SEMA5A: variants seen among roughly 807,000 people sequenced by gnomAD.
The protein encoded by SEMA5A is semaphorin-5A.
Under a neutral mutation model 135.5 loss-of-function variants are expected in SEMA5A, and 55 were observed. The ratio of observed to expected loss-of-function variants is 0.41; its 90% CI spans 0.33 to 0.51. The LOEUF is 0.51. SEMA5A is among the 20% of genes least tolerant of loss of function. The pLI is 0.37. For missense variants in SEMA5A, 1,290 were observed against 1,419.9 expected, an observed-to-expected ratio of 0.91 and a Z score of 1.47; for synonymous variants, 580 against 546.5, an observed-to-expected ratio of 1.06 and a Z score of -0.85.
Position 9,190,266 on chromosome 5 carries a change from C to T in SEMA5A, c.1273+1G>A. On this transcript the variant is annotated splice_donor_variant, in intron 11 of 22. Coordinates refer to ENST00000382496, the MANE Select transcript of SEMA5A (RefSeq NM_003966.3). LOFTEE classifies it high-confidence loss of function. The stretch of plus-strand genomic sequence containing the variant: ...CCCTCAGAGGGGGCCAGAGCTCCTA[C>T]CTGTGGCCAAATAGATGATGTGGAC... 2 of 1,613,874 alleles carry T rather than the reference C, an allele frequency of 1.2e-6. No homozygotes were observed. Among genetic ancestry groups the T allele is most frequent in the Non-Finnish European group, 1.7e-6 (2 of 1,179,908 alleles).
intron 16 of SEMA5A, among the ~76,000 whole-genome samples, chr5:9,083,104 G>A (rs1469572709): frequency 6.6e-6 from 1 of 152,186 alleles, no homozygotes; most frequent in African/African-American, 2.4e-5. Flanking sequence ...CTCACATCAT[G>A]AATGATGTAT....
chr5:9,426,290 T>A (rs1757645733), intron 2 of SEMA5A, among the ~76,000 whole-genome samples: 2 of 151,828 alleles, frequency 1.3e-5, no homozygotes, highest in Admixed American at 6.6e-5. Context: ...CCTGGCGCGG[T>A]GGCAGGCGCC....
At chr5:9,454,164 A>G (rs1758747362) in intron 1 of SEMA5A, among the ~76,000 whole-genome samples, 3 of 152,220 alleles carry the variant, frequency 2.0e-5, no homozygotes, top group Non-Finnish European at 4.4e-5. Context: ...ATTGACAGGC[A>G]TCAGGGACGA....
intron 2 of SEMA5A, among the ~76,000 whole-genome samples, chr5:9,384,661 TATAGATAGATAGATATAGATAG>T (rs1220857878): frequency 7.5e-5 from 5 of 66,484 alleles, no homozygotes; most frequent in African/African-American, 1.7e-4. Context: ...GATAGATAGA[TATAGATAGATAGATATAGATAG>T]ATAGATAGAT....
intron 18 of SEMA5A, among the ~76,000 whole-genome samples, chr5:9,058,904 C>T (rs1177775933): frequency 6.6e-6 from 1 of 152,170 alleles, no homozygotes; most frequent in African/African-American, 2.4e-5. Context: ...CCCTGCCTGG[C>T]TCCACTTCAA....
rs185363028 is a variant in SEMA5A, at chr5:9,415,978, G to T, written c.-78+21778C>A. Among the ~76,000 whole-genome samples the T allele has an allele frequency of 5.9e-5, 9 of 152,290 alleles. No homozygotes were observed. The East Asian group carries it at 1.7e-3, about 29-fold the overall frequency. ...AAAATAAATTGTCCTTTCAAAGGCAGCTTTAAAGTCGCACTCACTCAGCTC... is the reference window on the plus strand; with the variant it reads ...AAAATAAATTGTCCTTTCAAAGGCATCTTTAAAGTCGCACTCACTCAGCTC... On this transcript the variant is annotated intron_variant, in intron 2 of 22. Coordinates refer to ENST00000382496, the MANE Select transcript of SEMA5A (RefSeq NM_003966.3).
chr5:9,463,882 C>T (rs1032262032), intron 1 of SEMA5A, among the ~76,000 whole-genome samples: 1 of 152,188 alleles, frequency 6.6e-6, no homozygotes, highest in Non-Finnish European at 1.5e-5. Context: ...TTCACTGTGT[C>T]TGCGTTGTGG....
At chr5:9,066,975 C>G (rs1194163605) in intron 16 of SEMA5A, among the ~76,000 whole-genome samples, 1 of 152,062 alleles carries the variant, frequency 6.6e-6, no homozygotes, top group East Asian at 1.9e-4. Flanking sequence ...TAAAAGTACC[C>G]ATTATTCCGA....
chr5:9,472,961 C>G (rs891829907), intron 1 of SEMA5A, among the ~76,000 whole-genome samples: 1 of 150,450 alleles, frequency 6.6e-6, no homozygotes, highest in African/African-American at 2.4e-5. Flanking sequence ...ATTTTAACAA[C>G]TGCATAATAT....
chr5:9,289,334 T>G (rs1441973140), intron 5 of SEMA5A, among the ~76,000 whole-genome samples: 1 of 152,246 alleles, frequency 6.6e-6, no homozygotes, highest in Non-Finnish European at 1.5e-5. Flanking sequence ...GAATTAAAAT[T>G]CTGTTTTCTA....
At chr5:9,412,591 A>ATTTTTTT (rs201599831) in intron 2 of SEMA5A, among the ~76,000 whole-genome samples, 12 of 110,344 alleles carry the variant, frequency 1.1e-4, no homozygotes, top group Non-Finnish European at 1.4e-4. Flanking sequence ...CAGATTTTGC[A>ATTTTTTT]TTTTTTTTTT....
At chr5:9,401,790 G>T (rs1373216746) in intron 2 of SEMA5A, among the ~76,000 whole-genome samples, 1 of 152,198 alleles carries the variant, frequency 6.6e-6, no homozygotes, top group Non-Finnish European at 1.5e-5. Flanking sequence ...GCCTGGGGTT[G>T]CTAGTTAAGC....
At chr5:9,179,508 T>C (rs1368324754) in intron 11 of SEMA5A, among the ~76,000 whole-genome samples, 1 of 152,222 alleles carries the variant, frequency 6.6e-6, no homozygotes, top group Non-Finnish European at 1.5e-5. Context: ...TACTAATTCA[T>C]AGGTTATAAC....
intron 1 of SEMA5A, among the ~76,000 whole-genome samples, chr5:9,515,684 G>T (rs1014183472): frequency 1.6e-4 from 25 of 152,216 alleles, no homozygotes; most frequent in African/African-American, 4.3e-4. Flanking sequence ...AATAGCAGCT[G>T]TCAGGAAGGT....
rs1735849293 is a variant in SEMA5A at position 9,039,610 on chromosome 5, G to C, written c.*3287C>G. On this transcript the variant is annotated 3_prime_UTR_variant, in exon 23 of 23. Coordinates refer to ENST00000382496, the MANE Select transcript of SEMA5A (RefSeq NM_003966.3). Reference sequence around the variant, plus strand: ...CCATCCCTACAAACATGAAGAAGCTGAGATGCCTCATGTAAGTCACAAGAA... The same window carrying C: ...CCATCCCTACAAACATGAAGAAGCTCAGATGCCTCATGTAAGTCACAAGAA... 6.6e-6 allele frequency: 1 copy of C among 152,234 alleles called. No homozygotes were observed. The highest frequency in any genetic ancestry group is 2.4e-5 in the African/African-American group (1 of 41,428). 9.4% of individuals were successfully genotyped at this position (152,234 alleles called of 1,614,324 possible). A position where few individuals can be genotyped will look rare whatever the true frequency, so the allele number is the denominator to read the frequency against.
At chr5:9,151,943 G>A (rs1382392997) in intron 12 of SEMA5A, among the ~76,000 whole-genome samples, 1 of 152,174 alleles carries the variant, frequency 6.6e-6, no homozygotes, top group Non-Finnish European at 1.5e-5. Context: ...TCCTCCCCAG[G>A]CCTCTGTGCC....
chr5:9,470,908 A>G (rs1264458055), intron 1 of SEMA5A, among the ~76,000 whole-genome samples: 1 of 152,214 alleles, frequency 6.6e-6, no homozygotes, highest in African/African-American at 2.4e-5. Flanking sequence ...ACTGATGCAG[A>G]TTTTAATATG....
chr5:9,377,870 T>A (rs1216846610), intron 3 of SEMA5A, among the ~76,000 whole-genome samples: 1 of 152,186 alleles, frequency 6.6e-6, no homozygotes, highest in East Asian at 1.9e-4. Context: ...AAATGAGTGA[T>A]TCCCAGGTCT....
intron 5 of SEMA5A, among the ~76,000 whole-genome samples, chr5:9,290,826 C>T (rs1751041422): frequency 6.6e-6 from 1 of 152,086 alleles, no homozygotes; most frequent in South Asian, 2.1e-4. Context: ...AATAATGGTT[C>T]TTTCCCACCT....
Sources: allele counts gnomAD v4.1 joint callset (sites outside exome capture counted in the v4.1 genomes callset), GRCh38; gene constraint gnomAD v4.1.1; transcripts MANE v1.5; gene names NCBI Gene and HGNC (gene_info 2026-07-23, HGNC 2026-07-21).